Variants in EPG5 observed in about 807,000 individuals in gnomAD.
EPG5 encodes ectopic P granules protein 5 homolog.
In EPG5, 159 loss-of-function variants were observed where a neutral mutation model predicts 302.7. The ratio of observed to expected loss-of-function variants is 0.53; its 90% CI spans 0.46 to 0.60. The LOEUF is 0.60. Ranked by LOEUF, EPG5 falls within the 20% of genes least tolerant of loss-of-function variation. EPG5 has a pLI of 0.00. For synonymous variants in EPG5, 1,158 were observed against 1,136.8 expected, an observed-to-expected ratio of 1.02 and a Z score of -0.37; for missense variants, 2,896 against 3,092.4, an observed-to-expected ratio of 0.94 and a Z score of 1.51.
the EPG5 span, among the ~76,000 whole-genome samples, chr18:45,825,218 G>GGAAGAGAGGGATAGAGGGAA: frequency 7.4e-6 from 1 of 134,892 alleles, no homozygotes; most frequent in Non-Finnish European, 1.6e-5. Flanking sequence ...GATAGAGGGA[G>GGAAGAGAGGGATAGAGGGAA]GGAGAGAGGG....
Position 45,928,982 on chromosome 18 carries a change from C to T in EPG5, c.2440G>A (p.Glu814Lys), listed in dbSNP as rs2050339204. The T allele has an allele frequency of 3.1e-6, 5 of 1,613,974 alleles. No individual in the cohort carries two copies. The highest frequency in any genetic ancestry group is 1.3e-5 in the African/African-American group (1 of 75,022). The stretch of plus-strand genomic sequence containing the variant: ...TCTCGACCAACCTTTGAAAAAGTCT[C>T]TCTGGTAGACAAGGTGACATAAGAT... Reference protein sequence around the residue: ...EVSYVTLSTRETFSKVGRELL... With the variant: ...EVSYVTLSTRKTFSKVGRELL... The change falls in exon 13 of 44, where the codon GAG (glutamate) becomes AAG (lysine). Residue 814 changes from glutamate to lysine, a missense_variant. Coordinates refer to ENST00000282041, the MANE Select transcript of EPG5 (RefSeq NM_020964.3).
intron 36 of EPG5, chr18:45,868,125 A>G: frequency 2.2e-6 from 1 of 458,852 alleles, no homozygotes; most frequent in Non-Finnish European, 4.4e-6. Flanking sequence ...ACTAGTCAGT[A>G]GTTCCCAAAC....
chr18:45,923,052 G>A (rs1328587696), intron 15 of EPG5, among the ~76,000 whole-genome samples: 2 of 152,148 alleles, frequency 1.3e-5, no homozygotes, highest in African/African-American at 4.8e-5. Flanking sequence ...CACCACTGCA[G>A]TTCAATTCAA....
intron 27 of EPG5, among the ~76,000 whole-genome samples, chr18:45,893,493 C>T (rs2049396690): frequency 6.6e-6 from 1 of 150,652 alleles, no homozygotes; most frequent in South Asian, 2.1e-4. Context: ...GTGGAGGTTG[C>T]AGTGAGCCAA....
In EPG5 at chr18:45,880,177, C is replaced by T. The variant is rs1272722933; in HGVS notation, c.5565G>A (p.Leu1855=). Residue 1855 remains leucine, a synonymous_variant, in exon 32 of 44, where the codon CTG becomes CTA. Coordinates refer to ENST00000282041, the MANE Select transcript of EPG5 (RefSeq NM_020964.3). ...TGGGGGCGCAGCAGCCCAGGGCTCT[C>T]AGAGTGGCCTTCCAACACTCGGGGC... ...LLSPECWKAT[L]RALGCCAPSC... is the part of the protein sequence containing the mutation. The T allele has an allele frequency of 1.2e-6, 2 of 1,610,804 alleles. No individual in the cohort carries two copies. The highest frequency in any genetic ancestry group is 1.7e-6 in the Non-Finnish European group (2 of 1,178,256).
the EPG5 span, chr18:45,837,205 A>C: frequency 2.0e-6 from 3 of 1,488,222 alleles, no homozygotes; most frequent in South Asian, 2.6e-5. Flanking sequence ...GGGTAAGAAT[A>C]TGGGGTCAAG....
chr18:45,829,098 A>G, the EPG5 span: 23 of 985,756 alleles, frequency 2.3e-5, no homozygotes, highest in Non-Finnish European at 2.3e-5. Context: ...GACAGGCTAC[A>G]TCGGGACTCT....
chr18:45,901,837 C>T (rs1225896919), intron 25 of EPG5, among the ~76,000 whole-genome samples: 3 of 152,110 alleles, frequency 2.0e-5, no homozygotes, highest in African/African-American at 7.2e-5. Context: ...CTAGATTACA[C>T]ATGATCTCAT....
intron 4 of EPG5, among the ~76,000 whole-genome samples, chr18:45,949,992 C>T (rs2050870010): frequency 6.6e-6 from 1 of 152,172 alleles, no homozygotes; most frequent in African/African-American, 2.4e-5. Context: ...GGCAGCCCCA[C>T]TGAAAACATA....
rs975109890 is a variant in EPG5, at chr18:45,874,614, T to C, written c.6049+1622A>G. Among the ~76,000 whole-genome samples, 9 of 152,128 alleles carry C rather than the reference T, an allele frequency of 5.9e-5. No homozygotes were observed. In the East Asian group the frequency reaches 1.2e-3, roughly 20 times the overall value. ...AAACCCCTTATCAAACCACCAGATC[T>C]CATGAGACTCATTCACCACCAGGAG... is the stretch of plus-strand genomic sequence containing the variant. On this transcript the variant is annotated intron_variant, in intron 35 of 43. Transcript: ENST00000282041.
the EPG5 span, chr18:45,840,348 G>A: frequency 4.6e-6 from 6 of 1,310,836 alleles, no homozygotes; most frequent in Admixed American, 6.7e-5. Context: ...CTGGGGCTGG[G>A]GTCCTACTTT....
chr18:45,850,806 A>G lies in EPG5; in HGVS notation c.*1661T>C, dbSNP rs1001701186. On this transcript the variant is annotated 3_prime_UTR_variant, in exon 44 of 44. Coordinates refer to ENST00000282041, the MANE Select transcript of EPG5 (RefSeq NM_020964.3). ...ATCCTCCTCAAAGAAAACACAAAAT[A>G]TTTCCAAACAAAAATCGCTGTTGCC... is the stretch of plus-strand genomic sequence containing the variant. 4.6e-5 allele frequency: 7 copies of G among 152,700 alleles called. No homozygotes were observed. Among genetic ancestry groups the G allele is most frequent in the Non-Finnish European group, 1.5e-5 (1 of 68,048 alleles). 9.5% of individuals were successfully genotyped at this position (152,700 alleles called of 1,614,324 possible). A position where few individuals can be genotyped will look rare whatever the true frequency, so the allele number is the denominator to read the frequency against.
At position 45,923,315 on chromosome 18, in the gene EPG5, G is replaced by A. The variant is rs760542128; in HGVS notation, c.2791C>T (p.Leu931Phe). The A allele has an allele frequency of 6.2e-7, 1 of 1,613,990 alleles. No individual in the cohort carries two copies. The highest frequency in any genetic ancestry group is 1.1e-5 in the South Asian group (1 of 91,080). ...LMVLEAYQKY[L>F]AQKPYAGILS... is the part of the protein sequence containing the mutation. ...ATCCCAGCATATGGCTTCTGTGCAA[G>A]GTACTTCTGATAAGCTTCAAGAACC... is the stretch of plus-strand genomic sequence containing the variant. The change falls in exon 15 of 44, where the codon CTT (leucine) becomes TTT (phenylalanine). Residue 931 changes from leucine to phenylalanine, a missense_variant. Around this residue, in one of 5 missense-constraint regions of EPG5, gnomAD observed 1,390 missense variants for 1,430.0 expected, o/e 0.97. Coordinates refer to ENST00000282041, the MANE Select transcript of EPG5 (RefSeq NM_020964.3).
intron 8 of EPG5, 22 bp from the exon 9 acceptor site, chr18:45,943,333 G>GAA: frequency 6.3e-7 from 1 of 1,599,110 alleles, no homozygotes; most frequent in Non-Finnish European, 8.6e-7. Flanking sequence ...TCAGATAAAA[G>GAA]AAAAAAATCA....
chr18:45,909,425 G>A (rs1403592128), intron 23 of EPG5, among the ~76,000 whole-genome samples: 1 of 152,198 alleles, frequency 6.6e-6, no homozygotes, highest in Non-Finnish European at 1.5e-5. Context: ...CATTCTGGAG[G>A]CTGACAGAGA....
chr18:45,904,161 A>G, intron 24 of EPG5, 44 bp from the exon 25 acceptor site: 1 of 1,589,876 alleles, frequency 6.3e-7, no homozygotes, highest in East Asian at 2.3e-5. Flanking sequence ...GACAAGTCAT[A>G]GATTCACATA....
intron 7 of EPG5, among the ~76,000 whole-genome samples, chr18:45,944,529 C>T (rs977501025): frequency 2.0e-5 from 3 of 152,142 alleles, no homozygotes; most frequent in African/African-American, 7.2e-5. Flanking sequence ...CCGAGGCGGG[C>T]AGATCACCTG....
the EPG5 span, chr18:45,837,366 C>T: frequency 7.9e-7 from 1 of 1,265,904 alleles, no homozygotes. Context: ...TTCCGGCTCC[C>T]CTGGAAGTGG....
At chr18:45,855,040 G>A (rs1461797000) in intron 43 of EPG5, among the ~76,000 whole-genome samples, 1 of 151,848 alleles carries the variant, frequency 6.6e-6, no homozygotes, top group Non-Finnish European at 1.5e-5. Flanking sequence ...CATGTCCATA[G>A]GTTATAGGAA....
Sources: allele counts gnomAD v4.1 joint callset (sites outside exome capture counted in the v4.1 genomes callset), GRCh38; gene constraint gnomAD v4.1.1; regional missense constraint gnomAD v4.1.1; transcripts MANE v1.5; gene names NCBI Gene and HGNC (gene_info 2026-07-23, HGNC 2026-07-21).